The following CAPZB variants were observed in gnomAD, a reference collection of about 807,000 sequenced individuals.
CAPZB encodes the protein F-actin-capping protein subunit beta.
A neutral mutation model predicts 38.1 loss-of-function variants in CAPZB; 2 were observed. The observed-to-expected ratio is 0.05, with a 90% confidence interval of 0.02 to 0.17. The LOEUF is 0.17. CAPZB is among the 10% of genes least tolerant of loss of function. The pLI is 1.00. For missense variants in CAPZB, 161 were observed against 334.2 expected (o/e 0.48, Z 4.04); for synonymous variants, 107 against 127.4 (o/e 0.84, Z 1.08).
intron 1 of CAPZB, among the ~76,000 whole-genome samples, chr1:19,472,211 G>C (rs2094591058): frequency 6.6e-6 from 1 of 152,202 alleles, no homozygotes; most frequent in African/African-American, 2.4e-5. Context: ...CTAGTGCAAA[G>C]TAGGATGAAA....
chr1:19,355,471 G>A (rs2094015695), intron 6 of CAPZB, among the ~76,000 whole-genome samples: 1 of 151,320 alleles, frequency 6.6e-6, no homozygotes. Context: ...CTCCAGCTTG[G>A]GTGACAGAGC....
chr1:19,391,792 T>C (rs1407921707), intron 2 of CAPZB, among the ~76,000 whole-genome samples: 2 of 152,100 alleles, frequency 1.3e-5, no homozygotes, highest in African/African-American at 4.8e-5. Context: ...GAATGCCCGC[T>C]CCAGGCCCGT....
chr1:19,407,402 AC>A (rs2094337307), intron 2 of CAPZB, among the ~76,000 whole-genome samples: 2 of 152,110 alleles, frequency 1.3e-5, no homozygotes, highest in African/African-American at 4.8e-5. Context: ...GTTGTGTAGG[AC>A]CCTCACACAT....
In CAPZB at chr1:19,484,837, G is replaced by C. The variant is rs148862398; in HGVS notation, c.3+599C>G. 2.4e-3 allele frequency: 711 copies of C among 298,514 alleles called. 5 individuals are homozygous for C. Among genetic ancestry groups the C allele is most frequent in the African/African-American group, 0.015 (659 of 44,284 alleles). 18.5% of individuals were successfully genotyped at this position (298,514 alleles called of 1,614,324 possible). A position where few individuals can be genotyped will look rare whatever the true frequency, so the allele number is the denominator to read the frequency against. ...AGACGGGGGCCATGGGCGGAGAAGA[G>C]GAGGTCCAGATTTAAGTTCACAGAG... On this transcript the variant is annotated intron_variant, in intron 1 of 8. Coordinates refer to ENST00000264202, the MANE Select transcript of CAPZB (RefSeq NM_004930.5).
Position 19,419,909 on chromosome 1 carries a change from G to A in CAPZB, c.4-159C>T, listed in dbSNP as rs759627732. 44 of 590,238 alleles carry A rather than the reference G, an allele frequency of 7.5e-5. 1 individual carries two copies. In the Middle Eastern group the frequency reaches 2.7e-3, roughly 36 times the overall value. 36.6% of individuals were successfully genotyped at this position (590,238 alleles called of 1,614,324 possible). On this transcript the variant is annotated intron_variant, in intron 1 of 8. Transcript: ENST00000264202. ...TGTGTGCCAGCAGCCTGGAGCGGGG[G>A]GCGACTGTGCAGGCTGTTTGCTCCC...
chr1:19,452,964 C>T (rs2094521607), intron 1 of CAPZB, among the ~76,000 whole-genome samples: 1 of 151,772 alleles, frequency 6.6e-6, no homozygotes, highest in Non-Finnish European at 1.5e-5. Flanking sequence ...TCACCATGCC[C>T]AACTAATTTT....
chr1:19,368,481 C>T (rs1312550202), intron 4 of CAPZB, among the ~76,000 whole-genome samples: 2 of 135,214 alleles, frequency 1.5e-5, no homozygotes, highest in Non-Finnish European at 3.1e-5. Flanking sequence ...CCCCCGTCTC[C>T]ATTTTTTTTC....
At chr1:19,367,550 A>T in intron 4 of CAPZB, among the ~76,000 whole-genome samples, 1 of 152,232 alleles carries the variant, frequency 6.6e-6, no homozygotes, top group Non-Finnish European at 1.5e-5. Context: ...GCTGATGCTG[A>T]AACTCAACCA....
At chr1:19,411,379 A>G (rs1272311300) in intron 2 of CAPZB, among the ~76,000 whole-genome samples, 1 of 152,226 alleles carries the variant, frequency 6.6e-6, no homozygotes, top group Middle Eastern at 3.2e-3. Context: ...TGGCTATCTT[A>G]AAGATGATGG....
chr1:19,362,573 G>A (rs1164139480), intron 4 of CAPZB, among the ~76,000 whole-genome samples: 1 of 152,032 alleles, frequency 6.6e-6, no homozygotes, highest in Non-Finnish European at 1.5e-5. Flanking sequence ...GCTCACACCT[G>A]TAATCCTAGC....
rs1275024781 is a variant in CAPZB, at chr1:19,356,720, T to C, written c.503A>G (p.Lys168Arg). The change falls in exon 6 of 9, where the codon AAG (lysine) becomes AGG (arginine). Residue 168 changes from lysine (K) to arginine (R), a missense_variant. Coordinates refer to ENST00000264202, the MANE Select transcript of CAPZB (RefSeq NM_004930.5). The surrounding 1 kb of genome is among the most constrained non-coding windows in gnomAD (Gnocchi z 4.3). ...CCACAGCATCACCGTGGAGGTCAAC[T>C]TGTAATGGGCGGTGCGACCGCTGGA... ...EKSSGRTAHY[K>R]LTSTVMLWLQ... is the part of the protein sequence containing the mutation. 6.2e-7 allele frequency: 1 copy of C among 1,614,016 alleles called. No individual in the cohort carries two copies.
chr1:19,470,086 G>A (rs1401807969), intron 1 of CAPZB, among the ~76,000 whole-genome samples: 3 of 152,156 alleles, frequency 2.0e-5, no homozygotes, highest in African/African-American at 7.2e-5. Flanking sequence ...GGGTGCGGTA[G>A]AGCAAATCTG....
At chr1:19,341,118 A>G (rs2093925949) in intron 8 of CAPZB, among the ~76,000 whole-genome samples, 2 of 152,354 alleles carry the variant, frequency 1.3e-5, no homozygotes, top group African/African-American at 4.8e-5. Context: ...AAGACCTGGA[A>G]GCAAGCTGCA....
intron 1 of CAPZB, among the ~76,000 whole-genome samples, chr1:19,465,381 G>A (rs1048956074): frequency 2.0e-5 from 3 of 152,196 alleles, no homozygotes; most frequent in African/African-American, 4.8e-5. Flanking sequence ...CACTGAGTCT[G>A]CCAAGACCTT....
At chr1:19,379,391 GCCTGGC>G (rs1489253767) in intron 3 of CAPZB, among the ~76,000 whole-genome samples, 1 of 152,098 alleles carries the variant, frequency 6.6e-6, no homozygotes, top group Non-Finnish European at 1.5e-5. Context: ...GAGCCACCGC[GCCTGGC>G]CATGTGTTCA....
chr1:19,391,951 A>T (rs2094238059), intron 2 of CAPZB, among the ~76,000 whole-genome samples: 1 of 152,090 alleles, frequency 6.6e-6, no homozygotes, highest in Non-Finnish European at 1.5e-5. Flanking sequence ...GAGGCTGAGG[A>T]GGGTGGATCA....
intron 2 of CAPZB, among the ~76,000 whole-genome samples, chr1:19,396,990 ATTC>A (rs1278968529): frequency 1.3e-5 from 2 of 152,040 alleles, no homozygotes; most frequent in African/African-American, 4.8e-5. Context: ...ATTGGCTTGT[ATTC>A]TTCTGTCACC....
intron 4 of CAPZB, among the ~76,000 whole-genome samples, chr1:19,370,313 G>A (rs906407972): frequency 2.6e-5 from 4 of 152,220 alleles, no homozygotes; most frequent in Admixed American, 6.5e-5. Context: ...TCGCTACAAG[G>A]ACTCACGGAA....
intron 1 of CAPZB, among the ~76,000 whole-genome samples, chr1:19,467,964 G>C (rs532239492): frequency 6.6e-6 from 1 of 152,148 alleles, no homozygotes; most frequent in Non-Finnish European, 1.5e-5. Context: ...TCAGCCAGGC[G>C]CAGTGGCTCA....
Sources: allele counts gnomAD v4.1 joint callset (sites outside exome capture counted in the v4.1 genomes callset), GRCh38; gene constraint gnomAD v4.1.1; non-coding constraint Gnocchi (gnomAD v3.1); transcripts MANE v1.5; gene names NCBI Gene and HGNC (gene_info 2026-07-23, HGNC 2026-07-21).